VAV3: variants seen among roughly 807,000 people sequenced by gnomAD.
The protein encoded by VAV3 is guanine nucleotide exchange factor VAV3.
VAV3 carries 94 observed loss-of-function variants against 131.2 expected under a neutral mutation model. The observed-to-expected ratio is 0.72, with a 90% CI of 0.61 to 0.85. The LOEUF (loss-of-function observed/expected upper bound fraction) is 0.85, where lower values mean the gene tolerates loss of function less well. VAV3 is among the 40% of genes least tolerant of loss of function. The pLI, the probability that VAV3 is intolerant of heterozygous loss-of-function variation, is 0.00. For synonymous variants in VAV3, 349 were observed against 342.0 expected (o/e 1.02, Z -0.22); for missense variants, 939 against 1,002.7 (o/e 0.94, Z 0.86).
At chr1:107,586,099 G>A (rs1650466166) in intron 25 of VAV3, among the ~76,000 whole-genome samples, 1 of 149,904 alleles carries the variant, frequency 6.7e-6, no homozygotes, top group African/African-American at 2.4e-5. Context: ...AAAATTGTAA[G>A]CCATCCCTCA....
intron 2 of VAV3, among the ~76,000 whole-genome samples, chr1:107,779,859 C>T (rs768832887): frequency 6.6e-6 from 1 of 152,116 alleles, no homozygotes; most frequent in Non-Finnish European, 1.5e-5. Flanking sequence ...TACCCACTAG[C>T]CACATGAGGC....
At position 107,964,765 on chromosome 1, in the gene VAV3, C is replaced by G; in HGVS notation, c.105G>C (p.Gln35His). ...WDSAQVFDLA[Q>H]TLRDGVLLCQ... ...AGAGCAGGACTCCATCGCGGAGGGT[C>G]TGCGCAAGGTCGAACACCTGAGCCG... Residue 35 changes from glutamine to histidine, a missense_variant, in exon 1 of 27, where the codon CAG (glutamine) becomes CAC (histidine). Gln to His is a conservative substitution (Grantham distance 24). Transcript: ENST00000370056. 1 of 1,614,114 alleles carries G rather than the reference C, an allele frequency of 6.2e-7. No individual in the cohort carries two copies. Among genetic ancestry groups the G allele is most frequent in the Admixed American group, 1.7e-5 (1 of 60,012 alleles).
intron 1 of VAV3, among the ~76,000 whole-genome samples, chr1:107,918,769 G>A (rs1053337782): frequency 6.8e-6 from 1 of 147,988 alleles, no homozygotes; most frequent in Non-Finnish European, 1.5e-5. Flanking sequence ...GCAATGGTGC[G>A]ATCTCAGCTC....
At chr1:107,628,343 T>C (rs1654197464) in intron 20 of VAV3, among the ~76,000 whole-genome samples, 1 of 152,144 alleles carries the variant, frequency 6.6e-6, no homozygotes, top group African/African-American at 2.4e-5. Context: ...GTAAAAATTA[T>C]TGACAAGGTA....
chr1:107,819,930 A>G (rs973111726), intron 2 of VAV3, among the ~76,000 whole-genome samples: 18 of 152,196 alleles, frequency 1.2e-4, no homozygotes, highest in African/African-American at 4.3e-4. Context: ...CCCCGTTAAA[A>G]TGGCTTTTAT....
chr1:107,622,400 T>C lies in VAV3; in HGVS notation c.1915-4768A>G, dbSNP rs1387719879. ...TCATTTTTAAACCCACAGACAAGGATGGCTTAAAATGACAAAACATATCTT... is the reference window on the plus strand; with the variant it reads ...TCATTTTTAAACCCACAGACAAGGACGGCTTAAAATGACAAAACATATCTT... On this transcript the variant is annotated intron_variant, in intron 20 of 26. Coordinates refer to ENST00000370056, the MANE Select transcript of VAV3 (RefSeq NM_006113.5). Among the ~76,000 whole-genome samples the C allele has an allele frequency of 2.6e-5, 4 of 152,168 alleles. 1 individual carries two copies. Among genetic ancestry groups the C allele is most frequent in the Admixed American group, 2.6e-4 (4 of 15,266 alleles).
intron 2 of VAV3, chr1:107,785,612 T>A: frequency 8.7e-7 from 1 of 1,148,504 alleles, no homozygotes; most frequent in Non-Finnish European, 1.1e-6. Context: ...AGATGTTGCA[T>A]CCTGGTTTCT....
At chr1:107,637,359 A>C (rs1342555633) in intron 20 of VAV3, among the ~76,000 whole-genome samples, 1 of 152,106 alleles carries the variant, frequency 6.6e-6, no homozygotes, top group Non-Finnish European at 1.5e-5. Flanking sequence ...GTGCTGACTC[A>C]CGCCTGTAAT....
In VAV3 at chr1:107,777,312, A is replaced by C; in HGVS notation, c.381-16T>G. The C allele has an allele frequency of 6.2e-7, 1 of 1,611,446 alleles. No homozygotes were observed. Among genetic ancestry groups the C allele is most frequent in the Non-Finnish European group, 8.5e-7 (1 of 1,178,556 alleles). ...TGGGAAGGGCCTAGGAAGAGGAGAA[A>C]AAACAAAAACAAAAAAACAAACCCA... On this transcript the variant is annotated splice_polypyrimidine_tract_variant and intron_variant, in intron 3 of 26. Transcript: ENST00000370056.
intron 19 of VAV3, among the ~76,000 whole-genome samples, chr1:107,663,130 C>A (rs1001560715): frequency 6.6e-6 from 1 of 152,180 alleles, no homozygotes; most frequent in Non-Finnish European, 1.5e-5. Flanking sequence ...TACTCTAGTT[C>A]ATCTGGTTAG....
intron 19 of VAV3, among the ~76,000 whole-genome samples, chr1:107,682,336 T>C (rs1658695348): frequency 6.6e-6 from 1 of 152,172 alleles, no homozygotes; most frequent in Non-Finnish European, 1.5e-5. Context: ...ACAGCAATAC[T>C]ATAACTCACA....
chr1:107,782,414 C>T (rs2102237441), intron 2 of VAV3, among the ~76,000 whole-genome samples: 1 of 152,174 alleles, frequency 6.6e-6, no homozygotes, highest in Admixed American at 6.5e-5. Flanking sequence ...AGATGATAGT[C>T]TATTAGTTTA....
intron 2 of VAV3, among the ~76,000 whole-genome samples, chr1:107,826,306 G>T (rs190989942): frequency 6.6e-6 from 1 of 152,166 alleles, no homozygotes; most frequent in Admixed American, 6.5e-5. Context: ...TTTGAAACCT[G>T]TAAGATTGAA....
chr1:107,685,808 A>C (rs72977612), intron 18 of VAV3: 1 of 151,934 alleles, frequency 6.6e-6, no homozygotes, highest in Non-Finnish European at 1.5e-5. Flanking sequence ...TCATTCTGTC[A>C]TCTCTATGCG....
At chr1:107,725,540 A>G (rs1318007007) in intron 15 of VAV3, among the ~76,000 whole-genome samples, 1 of 152,086 alleles carries the variant, frequency 6.6e-6, no homozygotes, top group East Asian at 1.9e-4. Context: ...TCTGAGATGG[A>G]GTCTCACTGT....
chr1:107,671,453 G>T (rs924232858), intron 19 of VAV3, among the ~76,000 whole-genome samples: 36 of 152,194 alleles, frequency 2.4e-4, no homozygotes, highest in African/African-American at 8.0e-4. Flanking sequence ...GAACTTGAAA[G>T]TGTAGAATCT....
chr1:107,875,853 C>T (rs35670917), intron 1 of VAV3, among the ~76,000 whole-genome samples: 5 of 152,130 alleles, frequency 3.3e-5, no homozygotes, highest in African/African-American at 4.8e-5. Context: ...AGAGTGTGGT[C>T]ACTTTTTGAC....
At chr1:107,784,681 G>C (rs1206845750) in intron 2 of VAV3, among the ~76,000 whole-genome samples, 1 of 152,236 alleles carries the variant, frequency 6.6e-6, no homozygotes, top group African/African-American at 2.4e-5. Flanking sequence ...TAGAATCAAA[G>C]TGATTCTTCA....
chr1:107,814,515 A>G (rs1420042620), intron 2 of VAV3, among the ~76,000 whole-genome samples: 3 of 146,530 alleles, frequency 2.0e-5, no homozygotes. Context: ...AGTTCCCAGT[A>G]TATTCTGGAT....
Sources: allele counts gnomAD v4.1 joint callset (sites outside exome capture counted in the v4.1 genomes callset), GRCh38; gene constraint gnomAD v4.1.1; transcripts MANE v1.5; gene names NCBI Gene and HGNC (gene_info 2026-07-23, HGNC 2026-07-21).